Variants in ZDHHC21 observed in about 807,000 individuals in gnomAD.
ZDHHC21 encodes palmitoyltransferase ZDHHC21.
In ZDHHC21, 15 loss-of-function variants were observed where a neutral mutation model predicts 34.6. The observed-to-expected ratio is 0.43, with a 90% confidence interval of 0.29 to 0.67. The LOEUF is 0.67. ZDHHC21 is among the 30% of genes least tolerant of loss of function. The pLI is 0.14. For missense variants in ZDHHC21, 344 were observed against 327.7 expected (o/e 1.05, Z -0.38); for synonymous variants, 142 against 101.8 (o/e 1.40, Z -2.38).
chr9:14,640,645 C>T (rs1428074454), intron 7 of ZDHHC21, among the ~76,000 whole-genome samples: 1 of 152,000 alleles, frequency 6.6e-6, no homozygotes, highest in Non-Finnish European at 1.5e-5. Flanking sequence ...TGGTCCATGG[C>T]CTCAAGAAGT....
chr9:14,638,311 G>A (rs912087177), intron 8 of ZDHHC21, among the ~76,000 whole-genome samples: 1 of 152,030 alleles, frequency 6.6e-6, no homozygotes. Flanking sequence ...TACATGAGAA[G>A]TGCTGGGAAA....
At chr9:14,658,606 G>A (rs1022222466) in intron 7 of ZDHHC21, 143 bp downstream of exon 7, 5 of 523,006 alleles carry the variant, frequency 9.6e-6, no homozygotes, top group Non-Finnish European at 1.6e-5. Context: ...CGAGTAGCTG[G>A]GACTACAGGC....
intron 8 of ZDHHC21, among the ~76,000 whole-genome samples, chr9:14,630,807 T>C (rs1320650070): frequency 2.0e-5 from 3 of 152,200 alleles, no homozygotes; most frequent in African/African-American, 7.2e-5. Context: ...TGAGCAGTAA[T>C]ATTACGAAAG....
intron 4 of ZDHHC21, 62 bp downstream of exon 4, chr9:14,674,125 C>T (rs960351298): frequency 8.3e-7 from 1 of 1,206,378 alleles, no homozygotes; most frequent in Non-Finnish European, 1.1e-6. Flanking sequence ...TGGCACTACA[C>T]CCCAAAAACG....
At chr9:14,657,172 G>C (rs935615713) in intron 7 of ZDHHC21, among the ~76,000 whole-genome samples, 2 of 151,882 alleles carry the variant, frequency 1.3e-5, no homozygotes, top group African/African-American at 4.8e-5. Context: ...TTCCTTAGTT[G>C]GTCATCAATC....
At chr9:14,622,457 G>A (rs1388633971) in intron 8 of ZDHHC21, 1 of 911,178 alleles carries the variant, frequency 1.1e-6, no homozygotes, top group Non-Finnish European at 1.3e-6. Context: ...ATATCTCTTG[G>A]CTTGATGTTA....
the ZDHHC21 span, among the ~76,000 whole-genome samples, chr9:14,591,821 A>T: frequency 6.6e-6 from 1 of 152,198 alleles, no homozygotes; most frequent in Non-Finnish European, 1.5e-5. Context: ...TCTTCTATCT[A>T]GTAATATTTC....
chr9:14,638,561 T>G (rs988266638), intron 8 of ZDHHC21, among the ~76,000 whole-genome samples: 1 of 151,894 alleles, frequency 6.6e-6, no homozygotes, highest in Non-Finnish European at 1.5e-5. Context: ...ATTAAAAAGC[T>G]GTATAGTAAA....
intron 6 of ZDHHC21, among the ~76,000 whole-genome samples, chr9:14,661,694 G>C (rs546102668): frequency 6.6e-6 from 1 of 152,290 alleles, no homozygotes; most frequent in Non-Finnish European, 1.5e-5. Context: ...TGCAGAATCA[G>C]CTAATTATCA....
the ZDHHC21 span, among the ~76,000 whole-genome samples, chr9:14,603,811 G>C: frequency 6.6e-6 from 1 of 152,076 alleles, no homozygotes; most frequent in African/African-American, 2.4e-5. Flanking sequence ...ACTTTAGAGG[G>C]GTCGAACTCT....
At chr9:14,637,135 A>G (rs1218113722) in intron 8 of ZDHHC21, among the ~76,000 whole-genome samples, 2 of 152,078 alleles carry the variant, frequency 1.3e-5, no homozygotes, top group Non-Finnish European at 2.9e-5. Flanking sequence ...TTGAAAAGAT[A>G]AACAAGTGAA....
At chr9:14,599,686 C>A in the ZDHHC21 span, among the ~76,000 whole-genome samples, 1 of 152,042 alleles carries the variant, frequency 6.6e-6, no homozygotes, top group African/African-American at 2.4e-5. Flanking sequence ...CAGAGCCCAG[C>A]AAGCTAAGAT....
At chr9:14,630,979 T>A (rs1034537468) in intron 8 of ZDHHC21, among the ~76,000 whole-genome samples, 7 of 152,228 alleles carry the variant, frequency 4.6e-5, no homozygotes, top group African/African-American at 1.7e-4. Context: ...ATTTTTGGAA[T>A]GGCAAATGAG....
chr9:14,637,821 C>G (rs1293723414), intron 8 of ZDHHC21, among the ~76,000 whole-genome samples: 1 of 151,818 alleles, frequency 6.6e-6, no homozygotes, highest in Non-Finnish European at 1.5e-5. Flanking sequence ...TAAATTTAAC[C>G]AAGGAGGTGA....
chr9:14,634,138 G>C (rs1293505317), intron 8 of ZDHHC21, among the ~76,000 whole-genome samples: 1 of 152,164 alleles, frequency 6.6e-6, no homozygotes, highest in African/African-American at 2.4e-5. Context: ...GGGGCCAGAG[G>C]TCAGGGCCAC....
the ZDHHC21 span, among the ~76,000 whole-genome samples, chr9:14,590,843 T>G: frequency 2.0e-5 from 3 of 152,100 alleles, no homozygotes; most frequent in Non-Finnish European, 4.4e-5. Context: ...ATGGGGAAAT[T>G]TGAAAGATAT....
chr9:14,627,438 A>C (rs1404063389), intron 8 of ZDHHC21, among the ~76,000 whole-genome samples: 1 of 152,184 alleles, frequency 6.6e-6, no homozygotes, highest in Non-Finnish European at 1.5e-5. Context: ...AGCAATTCAA[A>C]TAGAATCCAA....
intron 8 of ZDHHC21, among the ~76,000 whole-genome samples, chr9:14,623,645 GAA>G (rs71322000): frequency 7.0e-4 from 86 of 123,426 alleles, no homozygotes; most frequent in Middle Eastern, 4.0e-3. Flanking sequence ...CAACTCAACA[GAA>G]AAAAAAAAAA....
At position 14,615,023 on chromosome 9, in the gene ZDHHC21, G is replaced by A. The variant is rs1823932647; in HGVS notation, c.*3943C>T. ...TAGAGAAAAGTCCAGAGAGAGACTA[G>A]CAGCTCTATTAATTAGTATTAATGG... is the stretch of plus-strand genomic sequence containing the variant. On this transcript the variant is annotated 3_prime_UTR_variant, in exon 10 of 10. Coordinates refer to ENST00000380916, the MANE Select transcript of ZDHHC21 (RefSeq NM_178566.6). 6.6e-6 allele frequency: 1 copy of A among 151,658 alleles called. No homozygotes were observed. Among genetic ancestry groups the A allele is most frequent in the African/African-American group, 2.4e-5 (1 of 41,390 alleles). The allele number at this position is 151,658 out of a possible 1,614,324, so 9.4% of individuals were successfully genotyped here.
Sources: allele counts gnomAD v4.1 joint callset (sites outside exome capture counted in the v4.1 genomes callset), GRCh38; gene constraint gnomAD v4.1.1; transcripts MANE v1.5; gene names NCBI Gene and HGNC (gene_info 2026-07-23, HGNC 2026-07-21).